The following BRCA1 variants were observed in gnomAD, a reference collection of about 807,000 sequenced individuals.
The protein encoded by BRCA1 is BRCA1 DNA repair associated.
BRCA1 carries 140 observed loss-of-function variants against 173.7 expected under a neutral mutation model. The ratio of observed to expected loss-of-function variants is 0.81; its 90% CI spans 0.70 to 0.93. The LOEUF is 0.93. Ranked by LOEUF, BRCA1 falls within the 40% of genes least tolerant of loss-of-function variation. The pLI, the probability that BRCA1 is intolerant of heterozygous loss-of-function variation, is 0.00. For synonymous variants in BRCA1, 662 were observed against 756.0 expected, an observed-to-expected ratio of 0.88 and a Z score of 2.04; for missense variants, 1,983 against 2,172.5, an observed-to-expected ratio of 0.91 and a Z score of 1.73.
intron 1 of BRCA1, chr17:43,164,322 C>T (rs1033207734): frequency 2.0e-5 from 3 of 152,192 alleles, no homozygotes; most frequent in African/African-American, 7.2e-5. Context: ...CTGGTTGGCA[C>T]TGGGGTCTTT....
At chr17:43,096,590 A>C (rs1364521738) in intron 8 of BRCA1, among the ~76,000 whole-genome samples, 1 of 146,608 alleles carries the variant, frequency 6.8e-6, no homozygotes, top group Non-Finnish European at 1.5e-5. Flanking sequence ...AAAAAAAAAA[A>C]CCTGGGTCAA....
intron 6 of BRCA1, among the ~76,000 whole-genome samples, 191 bp from the exon 7 acceptor site, chr17:43,100,071 T>C (rs2054317508): frequency 6.6e-6 from 1 of 152,214 alleles, no homozygotes; most frequent in South Asian, 2.1e-4. Flanking sequence ...AGCTCATGCC[T>C]ATAATCCCAG....
intron 1 of BRCA1, chr17:43,138,461 C>T: frequency 1.7e-6 from 1 of 602,874 alleles, no homozygotes; most frequent in Non-Finnish European, 3.0e-6. Context: ...TTAGCTAGGT[C>T]TCCACCATGT....
At position 43,148,189 on chromosome 17, in the gene BRCA1, C is replaced by T. The variant is rs530794782; in HGVS notation, c.-20+21937G>A. 4.6e-5 allele frequency among the ~76,000 whole-genome samples: 7 copies of T among 152,132 alleles called. No individual in the cohort carries two copies. In the East Asian group the frequency reaches 1.4e-3, roughly 29 times the overall value. On this transcript the variant is annotated intron_variant, in intron 1 of 7. Transcript: ENST00000634433. ...CCTGTAATCCCAGATACTCAGGAGG[C>T]TTAGGCAGGAGAATCGCTTGAACCC...
rs2154443717 is a variant in BRCA1, at chr17:43,094,050, T to C, written c.1481A>G (p.Gln494Arg). Residue 494 changes from glutamine to arginine, a missense_variant, in exon 10 of 23, where the codon CAA becomes CGA. Transcript: ENST00000357654. ...GAFVTEPQII[Q>R]ERPLTNKLKR... ...TAATTTATTTGTGAGGGGACGCTCT[T>C]GTATTATCTGTGGCTCAGTAACAAA... 6.2e-7 allele frequency: 1 copy of C among 1,614,108 alleles called. No individual in the cohort carries two copies. The highest frequency in any genetic ancestry group is 8.5e-7 in the Non-Finnish European group (1 of 1,179,986).
At position 43,067,630 on chromosome 17, in the gene BRCA1, A is replaced by C. The variant is rs760922019; in HGVS notation, c.5052T>G (p.Thr1684=). Residue 1684 remains threonine (T), a synonymous_variant, in exon 16 of 23, where the codon ACT becomes ACG. Coordinates refer to ENST00000357654, the MANE Select transcript of BRCA1 (RefSeq NM_007294.4). The part of the protein sequence containing the change: ...ITLTNLITEE[T]THVVMKTDAE... Reference sequence around the variant, plus strand: ...TACCTGTTTTCATAACAACATGAGTAGTCTCTTCAGTAATTAGATTAGTTA... The same window carrying C: ...TACCTGTTTTCATAACAACATGAGTCGTCTCTTCAGTAATTAGATTAGTTA... The C allele has an allele frequency of 1.2e-6, 2 of 1,612,406 alleles. No individual in the cohort carries two copies. Among genetic ancestry groups the C allele is most frequent in the South Asian group, 2.2e-5 (2 of 91,062 alleles).
At chr17:43,102,357 C>CTGTTTTTTTTTTTT (rs2054516536) in intron 6 of BRCA1, among the ~76,000 whole-genome samples, 1 of 93,214 alleles carries the variant, frequency 1.1e-5, no homozygotes. Context: ...AGGCGTGAAG[C>CTGTTTTTTTTTTTT]TTTTTTTTTT....
At chr17:43,053,841 T>C (rs1567762383) in intron 19 of BRCA1, among the ~76,000 whole-genome samples, 1 of 151,238 alleles carries the variant, frequency 6.6e-6, no homozygotes, top group Non-Finnish European at 1.5e-5. Flanking sequence ...TGGTGGCACA[T>C]GCCTGTAATC....
At chr17:43,057,208 C>T (rs554045950) in intron 18 of BRCA1, 73 bp from the exon 19 acceptor site, 53 of 1,480,996 alleles carry the variant, frequency 3.6e-5, no homozygotes, top group South Asian at 4.5e-5. Flanking sequence ...GGAGCAGACA[C>T]GTCATATTTA....
Position 43,074,425 on chromosome 17 carries a change from C to T in BRCA1, c.4581G>A (p.Glu1527=), listed in dbSNP as rs1060504560. ...LQNRNYPSQE[E]LIKVVDVEEQ... is the part of the protein sequence containing the mutation. ...CCTCCACATCAACAACCTTAATGAG[C>T]TCCTCTTGAGATGGGTAGTTTCTAT... Residue 1527 remains glutamate (E), a synonymous_variant, in exon 14 of 23, where the codon GAG becomes GAA. Transcript: ENST00000357654. 1 of 1,614,212 alleles carries T rather than the reference C, an allele frequency of 6.2e-7. No homozygotes were observed. Among genetic ancestry groups the T allele is most frequent in the Non-Finnish European group, 8.5e-7 (1 of 1,180,034 alleles).
At chr17:43,164,248 T>G (rs1284681498) in intron 1 of BRCA1, 1 of 152,236 alleles carries the variant, frequency 6.6e-6, no homozygotes, top group Non-Finnish European at 1.5e-5. Flanking sequence ...TTCTTGCTCT[T>G]TAGTGGTCCA....
chr17:43,164,654 G>A (rs2056256125), intron 1 of BRCA1: 1 of 152,170 alleles, frequency 6.6e-6, no homozygotes, highest in Non-Finnish European at 1.5e-5. Context: ...GCACTTTCTT[G>A]ATTCTGGTGT....
intron 1 of BRCA1, among the ~76,000 whole-genome samples, chr17:43,139,228 CTTT>C (rs754510195): frequency 7.7e-6 from 1 of 130,342 alleles, no homozygotes; most frequent in African/African-American, 2.8e-5. Context: ...GTGTTTTTTC[CTTT>C]TTTTTTTTTT....
At chr17:43,084,320 A>C (rs2053145540) in intron 11 of BRCA1, among the ~76,000 whole-genome samples, 1 of 150,220 alleles carries the variant, frequency 6.7e-6, no homozygotes, top group Non-Finnish European at 1.5e-5. Context: ...GTGAGCCACC[A>C]CACCTGGCCT....
chr17:43,064,099 C>A, intron 16 of BRCA1, 148 bp from the exon 17 acceptor site: 1 of 715,856 alleles, frequency 1.4e-6, no homozygotes, highest in Non-Finnish European at 2.5e-6. Flanking sequence ...GAATCAGAGG[C>A]TGAAAACACC....
intron 1 of BRCA1, chr17:43,167,531 G>C (rs769152492): frequency 1.3e-5 from 2 of 152,218 alleles, no homozygotes; most frequent in Non-Finnish European, 2.9e-5. Flanking sequence ...GTAATCTATA[G>C]ATAACATACC....
chr17:43,122,066 C>T (rs1275806036), intron 2 of BRCA1, among the ~76,000 whole-genome samples: 1 of 152,120 alleles, frequency 6.6e-6, no homozygotes, highest in Non-Finnish European at 1.5e-5. Flanking sequence ...CTGTTTTCCT[C>T]TTATTTTTGT....
chr17:43,083,258 C>T (rs912863191), intron 11 of BRCA1, among the ~76,000 whole-genome samples: 1 of 151,748 alleles, frequency 6.6e-6, no homozygotes, highest in African/African-American at 2.4e-5. Flanking sequence ...CAGGTTCAAG[C>T]GATTCTCCCA....
chr17:43,065,053 A>G (rs1306456987), intron 16 of BRCA1, among the ~76,000 whole-genome samples: 1 of 151,972 alleles, frequency 6.6e-6, no homozygotes, highest in African/African-American at 2.4e-5. Context: ...GATGGTCTCG[A>G]TCTCCTGACC....
Sources: allele counts gnomAD v4.1 joint callset (sites outside exome capture counted in the v4.1 genomes callset), GRCh38; gene constraint gnomAD v4.1.1; transcripts MANE v1.5; gene names NCBI Gene and HGNC (gene_info 2026-07-23, HGNC 2026-07-21).